Variants in NCKAP5 observed in about 807,000 individuals in gnomAD.
The protein encoded by NCKAP5 is nck-associated protein 5.
In NCKAP5, 92 loss-of-function variants were observed where a neutral mutation model predicts 167.0. That is an observed-to-expected ratio of 0.55 (90% confidence interval 0.47 to 0.66). NCKAP5 has a LOEUF of 0.66. Among genes scored for constraint, NCKAP5 ranks in the 30% least tolerant of loss-of-function variants. The pLI is 0.00. For missense variants in NCKAP5, 2,378 were observed against 2,315.0 expected (o/e 1.03, Z -0.56); for synonymous variants, 891 against 877.4 (o/e 1.02, Z -0.27).
intron 3 of NCKAP5, among the ~76,000 whole-genome samples, chr2:133,308,921 A>G (rs1681024656): frequency 1.3e-5 from 2 of 149,678 alleles, no homozygotes; most frequent in African/African-American, 4.9e-5. Context: ...CTTGTTAGCC[A>G]GGATGGTCTC....
At chr2:133,614,754 A>G in the NCKAP5 span, among the ~76,000 whole-genome samples, 18 of 152,036 alleles carry the variant, frequency 1.2e-4, 1 homozygote, top group African/African-American at 4.3e-4. Flanking sequence ...AACTTCCCCA[A>G]TCTAGCAAGG....
intron 11 of NCKAP5, among the ~76,000 whole-genome samples, chr2:132,849,818 T>C (rs1688940307): frequency 6.6e-6 from 1 of 152,202 alleles, no homozygotes; most frequent in South Asian, 2.1e-4. Flanking sequence ...CCACTCCATC[T>C]GAACCATTTC....
At chr2:133,242,249 CT>C (rs764246319) in intron 4 of NCKAP5, among the ~76,000 whole-genome samples, 1 of 140,218 alleles carries the variant, frequency 7.1e-6, no homozygotes, top group African/African-American at 3.0e-5. Flanking sequence ...TTTTTCTTTT[CT>C]TTTCTTTTCT....
At chr2:133,061,948 G>A (rs1376643536) in intron 6 of NCKAP5, among the ~76,000 whole-genome samples, 1 of 151,460 alleles carries the variant, frequency 6.6e-6, no homozygotes, top group Non-Finnish European at 1.5e-5. Context: ...CATTTTTTTT[G>A]GTAAGTTCAA....
chr2:133,222,384 T>C (rs2086694514), intron 4 of NCKAP5, among the ~76,000 whole-genome samples: 1 of 131,772 alleles, frequency 7.6e-6, no homozygotes. Flanking sequence ...GTCTTTAATA[T>C]CTAGGTAACA....
At chr2:133,277,747 T>A (rs1455973180) in intron 4 of NCKAP5, among the ~76,000 whole-genome samples, 1 of 152,112 alleles carries the variant, frequency 6.6e-6, no homozygotes, top group Admixed American at 6.5e-5. Flanking sequence ...AAATTTACTA[T>A]AAAGTTTCTA....
chr2:133,473,113 C>G (rs922834033), intron 3 of NCKAP5, among the ~76,000 whole-genome samples: 21 of 152,180 alleles, frequency 1.4e-4, no homozygotes, highest in Admixed American at 6.5e-5. Context: ...GCGGGTGGAT[C>G]ATGAGGTCAG....
At position 132,812,680 on chromosome 2, in the gene NCKAP5, C is replaced by T. The variant is rs563219399; in HGVS notation, c.808-15951G>A. Among the ~76,000 whole-genome samples the T allele has an allele frequency of 5.3e-5, 8 of 152,262 alleles. No homozygotes were observed. In the South Asian group the frequency reaches 8.3e-4, roughly 16 times the overall value. On this transcript the variant is annotated intron_variant, in intron 11 of 19. Coordinates refer to ENST00000409261, the MANE Select transcript of NCKAP5 (RefSeq NM_207363.3). ...ACAGCTAAGAGATGTTACTGAGAAA[C>T]GATTACTCAGGAGAGGGGGGCTGTC...
intron 6 of NCKAP5, among the ~76,000 whole-genome samples, chr2:133,090,694 C>T (rs1484778728): frequency 6.6e-6 from 1 of 152,180 alleles, no homozygotes; most frequent in Admixed American, 6.5e-5. Flanking sequence ...GAGTTAGACA[C>T]TGGCCAGGGT....
At chr2:133,409,157 C>T (rs1688624559) in intron 3 of NCKAP5, among the ~76,000 whole-genome samples, 1 of 152,170 alleles carries the variant, frequency 6.6e-6, no homozygotes, top group Non-Finnish European at 1.5e-5. Flanking sequence ...TTTGACCTTG[C>T]TACTGAGTTA....
chr2:133,577,186 G>A, the NCKAP5 span, among the ~76,000 whole-genome samples: 1 of 152,158 alleles, frequency 6.6e-6, no homozygotes, highest in South Asian at 2.1e-4. Flanking sequence ...AGGGCTTCCT[G>A]CTAACTTTGG....
intron 19 of NCKAP5, among the ~76,000 whole-genome samples, chr2:132,702,180 G>C (rs1237407701): frequency 6.6e-6 from 1 of 152,102 alleles, no homozygotes; most frequent in Admixed American, 6.5e-5. Flanking sequence ...TGTGCTATAG[G>C]GAAAAATGAA....
chr2:133,507,426 G>T (rs977620186), intron 3 of NCKAP5, among the ~76,000 whole-genome samples: 5 of 152,190 alleles, frequency 3.3e-5, no homozygotes, highest in East Asian at 3.8e-4. Flanking sequence ...GAACCAAAAA[G>T]GTGCGGAAAG....
intron 8 of NCKAP5, among the ~76,000 whole-genome samples, chr2:132,881,776 T>A (rs1691778673): frequency 6.6e-6 from 1 of 152,102 alleles, no homozygotes; most frequent in Non-Finnish European, 1.5e-5. Context: ...CTGCCAAATC[T>A]CCCCACTGTA....
chr2:132,894,391 G>A (rs1692971313), intron 8 of NCKAP5, among the ~76,000 whole-genome samples: 1 of 152,184 alleles, frequency 6.6e-6, no homozygotes, highest in Non-Finnish European at 1.5e-5. Flanking sequence ...GTGAGATAAA[G>A]TGCCATGGGA....
chr2:133,315,991 A>G (rs1681582603), intron 3 of NCKAP5, among the ~76,000 whole-genome samples: 1 of 152,138 alleles, frequency 6.6e-6, no homozygotes, highest in Non-Finnish European at 1.5e-5. Flanking sequence ...GGCCCTTGGG[A>G]AAAGGGTGCA....
At chr2:133,168,239 C>T (rs2084083969) in intron 5 of NCKAP5, among the ~76,000 whole-genome samples, 1 of 150,892 alleles carries the variant, frequency 6.6e-6, no homozygotes, top group Non-Finnish European at 1.5e-5. Flanking sequence ...CTTGACTTAA[C>T]AATTTCACAT....
intron 5 of NCKAP5, among the ~76,000 whole-genome samples, chr2:133,178,614 A>G (rs2084584088): frequency 1.3e-5 from 2 of 150,584 alleles, no homozygotes; most frequent in Non-Finnish European, 3.0e-5. Context: ...TCACGAGGTC[A>G]GAAGATTGAG....
chr2:133,237,793 T>C (rs1030324141), intron 4 of NCKAP5, among the ~76,000 whole-genome samples: 2 of 152,204 alleles, frequency 1.3e-5, no homozygotes, highest in Middle Eastern at 3.2e-3. Context: ...CTCTAGTTAA[T>C]AGGAAAACTG....
Sources: gnomAD v4.1 joint callset for allele counts (sites outside exome capture counted in the v4.1 genomes callset) on GRCh38, gnomAD v4.1.1 for gene constraint, MANE v1.5 for transcripts, NCBI Gene and HGNC (gene_info 2026-07-23, HGNC 2026-07-21) for gene names.